CNTN5: variants seen among roughly 807,000 people sequenced by gnomAD.
The protein encoded by CNTN5 is contactin-5.
In CNTN5, 77 loss-of-function variants were observed where a neutral mutation model predicts 129.1. That is an observed-to-expected ratio of 0.60 (90% CI 0.50 to 0.72). The LOEUF is 0.72. Ranked by LOEUF, CNTN5 falls within the 30% of genes least tolerant of loss-of-function variation. The pLI is 0.00. For synonymous variants in CNTN5, 509 were observed against 465.6 expected, an observed-to-expected ratio of 1.09 and a Z score of -1.20; for missense variants, 1,478 against 1,328.8, an observed-to-expected ratio of 1.11 and a Z score of -1.75.
intron 2 of CNTN5, among the ~76,000 whole-genome samples, chr11:99,522,536 A>G (rs1262942347): frequency 6.6e-6 from 1 of 152,180 alleles, no homozygotes; most frequent in Non-Finnish European, 1.5e-5. Flanking sequence ...GAATAAAAAG[A>G]TACTTCTTGT....
intron 3 of CNTN5, among the ~76,000 whole-genome samples, chr11:99,569,400 G>T (rs1591292983): frequency 6.6e-6 from 1 of 152,058 alleles, no homozygotes; most frequent in Non-Finnish European, 1.5e-5. Flanking sequence ...TGCAAGCTCC[G>T]CCTCCCGGGT....
rs541606074 is a variant in CNTN5, at chr11:99,610,812, C to T, written c.55+54543C>T. Among the ~76,000 whole-genome samples, 26 of 152,112 alleles carry T rather than the reference C, an allele frequency of 1.7e-4. No homozygotes were observed. In the South Asian group the frequency reaches 5.4e-3, roughly 32 times the overall value. On this transcript the variant is annotated intron_variant, in intron 3 of 24. Coordinates refer to ENST00000524871, the MANE Select transcript of CNTN5 (RefSeq NM_014361.4). ...TGGGAGCAAGTGTGAGAGATTTCCC[C>T]AAGGTAAGGGTATAGCAGGGATGGA...
chr11:99,376,118 ATAT>A lies in CNTN5; in HGVS notation c.-71+50639_-71+50641del, dbSNP rs1441739801. Among the ~76,000 whole-genome samples, 9 of 152,312 alleles carry A rather than the reference ATAT, an allele frequency of 5.9e-5. No individual in the cohort carries two copies. The South Asian group carries it at 1.9e-3, about 32-fold the overall frequency. On this transcript the variant is annotated intron_variant, in intron 2 of 24. Transcript: ENST00000524871. ...GGTAGGATGACTCACAAAGGAACAA[ATAT>A]TATTGTACGATTATAAAAGTTATAA... is the stretch of plus-strand genomic sequence containing the variant.
intron 1 of CNTN5, among the ~76,000 whole-genome samples, chr11:99,136,696 T>C (rs2155560): frequency 0.75 from 113,910 of 151,952 alleles, 43,101 homozygotes; most frequent in African/African-American, 0.8. Flanking sequence ...AAATAAGAGA[T>C]AGGAAGAGGA....
chr11:100,333,845 C>G (rs1257861611), intron 21 of CNTN5, among the ~76,000 whole-genome samples: 1 of 151,986 alleles, frequency 6.6e-6, no homozygotes. Flanking sequence ...ACTATCACCT[C>G]AGAAAAACCC....
intron 2 of CNTN5, among the ~76,000 whole-genome samples, chr11:99,330,193 G>A (rs557015742): frequency 1.1e-4 from 16 of 150,436 alleles, no homozygotes; most frequent in Non-Finnish European, 1.3e-4. Context: ...AGGGAGGCAA[G>A]GAGGAAGGGA....
intron 16 of CNTN5, among the ~76,000 whole-genome samples, chr11:100,248,586 T>C (rs1289035915): frequency 6.6e-6 from 1 of 151,974 alleles, no homozygotes; most frequent in Non-Finnish European, 1.5e-5. Context: ...GGAAAGTCCT[T>C]AAAATCAAAT....
chr11:99,925,800 G>A (rs1003899137), intron 7 of CNTN5, among the ~76,000 whole-genome samples: 5 of 151,844 alleles, frequency 3.3e-5, no homozygotes, highest in East Asian at 1.9e-4. Context: ...TCTCAAAACC[G>A]TTGTAAAGAC....
chr11:99,464,940 A>T (rs1034017297), intron 2 of CNTN5, among the ~76,000 whole-genome samples: 1 of 152,214 alleles, frequency 6.6e-6, no homozygotes, highest in African/African-American at 2.4e-5. Flanking sequence ...TAGCATTTAC[A>T]GAGCATTTTG....
At chr11:99,368,895 G>A (rs967627621) in intron 2 of CNTN5, among the ~76,000 whole-genome samples, 1 of 152,056 alleles carries the variant, frequency 6.6e-6, no homozygotes, top group African/African-American at 2.4e-5. Context: ...GCAGTAGGGT[G>A]AGTTAGTGCA....
At chr11:99,401,476 G>T (rs1324505758) in intron 2 of CNTN5, among the ~76,000 whole-genome samples, 1 of 152,006 alleles carries the variant, frequency 6.6e-6, no homozygotes, top group Admixed American at 6.6e-5. Context: ...ATGTTATTTT[G>T]GTTACTATAC....
chr11:99,921,713 C>G (rs1389206197), intron 7 of CNTN5, among the ~76,000 whole-genome samples: 1 of 152,034 alleles, frequency 6.6e-6, no homozygotes, highest in African/African-American at 2.4e-5. Context: ...TGTTATTACC[C>G]CATTGCCTAG....
chr11:100,210,983 C>A (rs1949019498), intron 15 of CNTN5, among the ~76,000 whole-genome samples: 1 of 152,044 alleles, frequency 6.6e-6, no homozygotes. Context: ...GTACAATGTG[C>A]TAGATTAAGC....
intron 9 of CNTN5, among the ~76,000 whole-genome samples, chr11:100,027,060 G>A (rs939675168): frequency 4.6e-5 from 7 of 151,894 alleles, no homozygotes; most frequent in African/African-American, 1.2e-4. Context: ...AACATGTTAA[G>A]TATTTTCTCT....
chr11:100,120,459 A>G (rs985677893), intron 13 of CNTN5, among the ~76,000 whole-genome samples: 3 of 151,982 alleles, frequency 2.0e-5, no homozygotes, highest in Admixed American at 6.6e-5. Flanking sequence ...CTGTATTAGT[A>G]TAGTCAAGAA....
chr11:100,242,961 A>T (rs1481091119), intron 16 of CNTN5, among the ~76,000 whole-genome samples: 1 of 152,260 alleles, frequency 6.6e-6, no homozygotes, highest in Non-Finnish European at 1.5e-5. Flanking sequence ...AATAAGACAG[A>T]CCAGCAGATA....
chr11:99,355,128 T>C (rs1029633180), intron 2 of CNTN5, among the ~76,000 whole-genome samples: 5 of 152,220 alleles, frequency 3.3e-5, no homozygotes, highest in African/African-American at 1.2e-4. Flanking sequence ...TACTGTGTTA[T>C]CTTAACTAGC....
intron 1 of CNTN5, among the ~76,000 whole-genome samples, chr11:99,193,781 A>T (rs539035785): frequency 1.3e-5 from 2 of 152,190 alleles, no homozygotes; most frequent in African/African-American, 4.8e-5. Flanking sequence ...GGGGAATTAC[A>T]TTAGAATCTA....
intron 3 of CNTN5, among the ~76,000 whole-genome samples, chr11:99,608,527 G>C (rs1950500182): frequency 6.6e-6 from 1 of 152,054 alleles, no homozygotes; most frequent in Non-Finnish European, 1.5e-5. Flanking sequence ...CAGTAAGCCT[G>C]GTTTCCTTAT....
Sources: allele counts gnomAD v4.1 joint callset (sites outside exome capture counted in the v4.1 genomes callset), GRCh38; gene constraint gnomAD v4.1.1; transcripts MANE v1.5; gene names NCBI Gene and HGNC (gene_info 2026-07-23, HGNC 2026-07-21).